Variants in PDE8A observed in about 807,000 individuals in gnomAD.
PDE8A encodes high affinity cAMP-specific and IBMX-insensitive 3',5'-cyclic phosphodiesterase 8A.
A neutral mutation model predicts 105.0 loss-of-function variants in PDE8A; 59 were observed. The ratio of observed to expected loss-of-function variants is 0.56; its 90% CI spans 0.46 to 0.70. The LOEUF (loss-of-function observed/expected upper bound fraction) is 0.70. PDE8A is among the 30% of genes least tolerant of loss of function. PDE8A has a pLI of 0.00. For synonymous variants in PDE8A, 355 were observed against 371.9 expected (o/e 0.95, Z 0.52); for missense variants, 1,014 against 1,045.9 (o/e 0.97, Z 0.42).
At chr15:85,005,967 C>G (rs558300342) in intron 1 of PDE8A, among the ~76,000 whole-genome samples, 8 of 152,292 alleles carry the variant, frequency 5.3e-5, no homozygotes, top group African/African-American at 1.2e-4. Context: ...ACGTTCGGCT[C>G]TGAGCTTCCA....
At chr15:85,089,864 A>T (rs188147170) in intron 7 of PDE8A, among the ~76,000 whole-genome samples, 1 of 152,240 alleles carries the variant, frequency 6.6e-6, no homozygotes, top group South Asian at 2.1e-4. Flanking sequence ...CAGAAATAAC[A>T]TACCTAGTAA....
At chr15:85,117,137 C>T (rs1282165589) in intron 16 of PDE8A, among the ~76,000 whole-genome samples, 1 of 152,204 alleles carries the variant, frequency 6.6e-6, no homozygotes, top group African/African-American at 2.4e-5. Flanking sequence ...TAACGCCCAC[C>T]TCCAGAAAGG....
intron 1 of PDE8A, among the ~76,000 whole-genome samples, chr15:85,042,865 G>A (rs2080831711): frequency 6.6e-6 from 1 of 152,120 alleles, no homozygotes; most frequent in South Asian, 2.1e-4. Flanking sequence ...TTTCAGAAAG[G>A]GTCACAGTTC....
chr15:85,023,965 A>G (rs1247764305), intron 1 of PDE8A, among the ~76,000 whole-genome samples: 2 of 152,148 alleles, frequency 1.3e-5, no homozygotes, highest in Non-Finnish European at 2.9e-5. Context: ...CTGGCTGTCC[A>G]CAGCCTCCAA....
intron 1 of PDE8A, among the ~76,000 whole-genome samples, chr15:85,042,992 C>T (rs1027740718): frequency 6.6e-6 from 1 of 152,160 alleles, no homozygotes; most frequent in African/African-American, 2.4e-5. Flanking sequence ...CTCATTAAAG[C>T]TCATTAGCCA....
In PDE8A at chr15:85,006,298, A is replaced by T. The variant is rs969891906; in HGVS notation, c.186+23950A>T. 2.6e-5 allele frequency among the ~76,000 whole-genome samples: 4 copies of T among 152,146 alleles called. No homozygotes were observed. The East Asian group carries it at 7.7e-4, about 29-fold the overall frequency. Reference sequence around the variant, plus strand: ...AATAATAATAAAAGAAAGTATTCTCATGGGTCCTTTCAGAGGGACAAGGTT... The same window carrying T: ...AATAATAATAAAAGAAAGTATTCTCTTGGGTCCTTTCAGAGGGACAAGGTT... On this transcript the variant is annotated intron_variant, in intron 1 of 21. Transcript: ENST00000394553.
At position 85,115,967 on chromosome 15, in the gene PDE8A, A is replaced by G. The variant is rs1270623802; in HGVS notation, c.1400-17A>G. 1.9e-6 allele frequency: 3 copies of G among 1,606,508 alleles called. No homozygotes were observed. Among genetic ancestry groups the G allele is most frequent in the Non-Finnish European group, 2.6e-6 (3 of 1,175,958 alleles). On this transcript the variant is annotated splice_polypyrimidine_tract_variant and intron_variant, in intron 15 of 21. Transcript: ENST00000394553. ...CCTTTAAAGCCTATTTGTTCTCCAA[A>G]TTACATCACTTTACAGACACTCAAA...
intron 3 of PDE8A, among the ~76,000 whole-genome samples, chr15:85,069,472 G>T (rs189399157): frequency 6.6e-6 from 1 of 152,112 alleles, no homozygotes; most frequent in African/African-American, 2.4e-5. Flanking sequence ...TCCAACACTG[G>T]AGGACAGGAA....
At chr15:85,113,272 C>A in intron 12 of PDE8A, 105 bp from the exon 13 acceptor site, 1 of 926,718 alleles carries the variant, frequency 1.1e-6, no homozygotes, top group Non-Finnish European at 1.8e-6. Flanking sequence ...AAACTCAGTT[C>A]TATCCTGCCC....
intron 20 of PDE8A, among the ~76,000 whole-genome samples, chr15:85,133,532 T>G (rs767973817): frequency 2.6e-5 from 4 of 152,176 alleles, no homozygotes; most frequent in Admixed American, 6.5e-5. Flanking sequence ...TCCTGCTGTT[T>G]TGAATGTGGC....
intron 1 of PDE8A, among the ~76,000 whole-genome samples, chr15:85,001,645 G>A (rs929646884): frequency 1.3e-5 from 2 of 152,192 alleles, no homozygotes; most frequent in African/African-American, 4.8e-5. Flanking sequence ...GCTTCACCTT[G>A]TTGGGCACCT....
At chr15:84,993,372 G>A (rs1002521081) in intron 1 of PDE8A, among the ~76,000 whole-genome samples, 6 of 145,546 alleles carry the variant, frequency 4.1e-5, no homozygotes, top group Non-Finnish European at 7.4e-5. Flanking sequence ...GAACCCAGGA[G>A]GCAGAGTTTG....
chr15:85,113,552 T>G (rs1423384730), intron 13 of PDE8A, 105 bp downstream of exon 13: 6 of 987,184 alleles, frequency 6.1e-6, no homozygotes, highest in Non-Finnish European at 4.9e-6. Context: ...ATGAGCATGC[T>G]GTCATAGTTG....
At chr15:85,086,729 C>G (rs891868131) in intron 6 of PDE8A, among the ~76,000 whole-genome samples, 1 of 151,940 alleles carries the variant, frequency 6.6e-6, no homozygotes. Flanking sequence ...GAACTTCTTA[C>G]TGTTTTTTGC....
chr15:85,096,079 G>T (rs560989868), intron 8 of PDE8A, among the ~76,000 whole-genome samples: 1 of 151,614 alleles, frequency 6.6e-6, no homozygotes, highest in Non-Finnish European at 1.5e-5. Context: ...GTTTCACCAC[G>T]TTGGCCAGGG....
At chr15:85,135,861 CT>C (rs879911712) in intron 20 of PDE8A, among the ~76,000 whole-genome samples, 94 of 147,208 alleles carry the variant, frequency 6.4e-4, no homozygotes, top group South Asian at 8.6e-4. Flanking sequence ...ACTCAGAGCT[CT>C]TTTTTTTTTT....
chr15:85,112,679 C>T (rs1373586163), intron 12 of PDE8A, among the ~76,000 whole-genome samples: 2 of 152,184 alleles, frequency 1.3e-5, no homozygotes, highest in East Asian at 1.9e-4. Context: ...GGTCCTGTAA[C>T]GTCTTTGGGA....
chr15:85,138,141 C>G lies in PDE8A; in HGVS notation c.*238C>G, dbSNP rs967867445. ...GCTGCAGGAGCTCTTCAGAAAGGCACATGAGGACCACGGTTTGCCTCAGTT... is the reference window on the plus strand; with the variant it reads ...GCTGCAGGAGCTCTTCAGAAAGGCAGATGAGGACCACGGTTTGCCTCAGTT... On this transcript the variant is annotated 3_prime_UTR_variant, in exon 22 of 22. Transcript: ENST00000394553. 1 of 439,448 alleles carries G rather than the reference C, an allele frequency of 2.3e-6. No homozygotes were observed. Among genetic ancestry groups the G allele is most frequent in the African/African-American group, 2.0e-5 (1 of 50,794 alleles). 27.2% of individuals were successfully genotyped at this position (439,448 alleles called of 1,614,324 possible). A position where few individuals can be genotyped will look rare whatever the true frequency, so the allele number is the denominator to read the frequency against.
In PDE8A at chr15:85,064,400, A is replaced by C. The variant is rs1169609348; in HGVS notation, c.217A>C (p.Met73Leu). The C allele has an allele frequency of 6.2e-7, 1 of 1,609,904 alleles. No homozygotes were observed. Among genetic ancestry groups the C allele is most frequent in the South Asian group, 1.1e-5 (1 of 90,922 alleles). ...VAVADVQFGPMRFHQDQLQVL... is the reference protein window; with the variant it reads ...VAVADVQFGPLRFHQDQLQVL... ...AGTAGCTGATGTGCAGTTTGGCCCCATGAGATTTCATCAAGATCAACTTCA... is the reference window on the plus strand; with the variant it reads ...AGTAGCTGATGTGCAGTTTGGCCCCCTGAGATTTCATCAAGATCAACTTCA... Residue 73 changes from methionine to leucine, a missense_variant, in exon 2 of 22, where the codon ATG becomes CTG. By Grantham distance (15) the Met-to-Leu change is conservative (BLOSUM62 2). Coordinates refer to ENST00000394553, the MANE Select transcript of PDE8A (RefSeq NM_002605.3).
Sources: allele counts gnomAD v4.1 joint callset (sites outside exome capture counted in the v4.1 genomes callset), GRCh38; gene constraint gnomAD v4.1.1; transcripts MANE v1.5; gene names NCBI Gene and HGNC (gene_info 2026-07-23, HGNC 2026-07-21).